The following EIF2AK2 variants were observed in gnomAD, a reference collection of about 807,000 sequenced individuals.
EIF2AK2 encodes interferon-induced, double-stranded RNA-activated protein kinase.
A neutral mutation model predicts 70.5 loss-of-function variants in EIF2AK2; 40 were observed. That is an observed-to-expected ratio of 0.57 (90% confidence interval 0.44 to 0.74). The LOEUF is 0.74. Among genes scored for constraint, EIF2AK2 ranks in the 30% least tolerant of loss-of-function variants. The probability of loss-of-function intolerance (pLI) is 0.00; values close to 1 mark genes in which losing one functional copy is unlikely to be tolerated. For missense variants in EIF2AK2, 555 were observed against 644.3 expected, an observed-to-expected ratio of 0.86 and a Z score of 1.50; for synonymous variants, 198 against 220.9, an observed-to-expected ratio of 0.90 and a Z score of 0.92.
chr2:37,147,306 CT>C (rs142368234), intron 3 of EIF2AK2, among the ~76,000 whole-genome samples: 8,183 of 149,318 alleles, frequency 0.055, 341 homozygotes, highest in African/African-American at 0.12. Flanking sequence ...TATCTTTTTT[CT>C]TTTTTTTTTA....
At chr2:37,134,530 G>A (rs1044420379) in intron 10 of EIF2AK2, among the ~76,000 whole-genome samples, 1 of 152,110 alleles carries the variant, frequency 6.6e-6, no homozygotes, top group Non-Finnish European at 1.5e-5. Flanking sequence ...AATTTGTGCT[G>A]CCCCTAGCGC....
At chr2:37,127,510 T>G (rs566471511) in intron 10 of EIF2AK2, among the ~76,000 whole-genome samples, 2 of 152,194 alleles carry the variant, frequency 1.3e-5, no homozygotes, top group Admixed American at 6.5e-5. Context: ...CCCTCCTCAT[T>G]GCACTCAAAG....
Position 37,107,352 on chromosome 2 carries a change from C to T in EIF2AK2, c.1577G>A (p.Arg526Gln). Residue 526 changes from arginine to glutamine, a missense_variant, in exon 17 of 17, where the codon CGA becomes CAA. By Grantham distance (43) the Arg-to-Gln change is conservative (BLOSUM62 1). This residue lies in a region of EIF2AK2 where 299 missense variants were observed against 375.4 expected (regional missense o/e 0.80). Transcript: ENST00000233057. ...CCTTAGTATTTCAGATGTGTTAGGT[C>T]GATCCTCAGGTTTCTTTGAGAGTAA... ...QKLLSKKPED[R>Q]PNTSEILRTL... 7 of 1,613,842 alleles carry T rather than the reference C, an allele frequency of 4.3e-6. No homozygotes were observed. The highest frequency in any genetic ancestry group is 2.2e-5 in the East Asian group (1 of 44,842).
At chr2:37,124,826 C>G (rs1339682113) in intron 11 of EIF2AK2, among the ~76,000 whole-genome samples, 1 of 151,488 alleles carries the variant, frequency 6.6e-6, no homozygotes, top group Admixed American at 6.6e-5. Flanking sequence ...CTACTGGGCT[C>G]AAATGGTCCT....
intron 5 of EIF2AK2, among the ~76,000 whole-genome samples, chr2:37,140,135 G>C (rs1675278080): frequency 6.6e-6 from 1 of 152,070 alleles, no homozygotes; most frequent in Admixed American, 6.6e-5. Flanking sequence ...AAATGGGAAG[G>C]AAAAAGCCAG....
At position 37,109,305 on chromosome 2, in the gene EIF2AK2, C is replaced by T. The variant is rs370235809; in HGVS notation, c.1378-10G>A. ...AGTCTTGCGAAGAAATCTAAAGAGA[C>T]CAAAATAGATTTACCTTTGTTATGC... On this transcript the variant is annotated splice_polypyrimidine_tract_variant and intron_variant, in intron 14 of 16. Transcript: ENST00000233057. 9.7e-5 allele frequency: 156 copies of T among 1,608,612 alleles called. No individual in the cohort carries two copies. Among genetic ancestry groups the T allele is most frequent in the Non-Finnish European group, 1.3e-4 (151 of 1,176,222 alleles).
In EIF2AK2 at chr2:37,120,006, CT is replaced by C; in HGVS notation, c.1200del (p.Val402TrpfsTer9). The C allele has an allele frequency of 2.0e-6, 3 of 1,533,104 alleles. No individual in the cohort carries two copies. Among genetic ancestry groups the C allele is most frequent in the Non-Finnish European group, 2.6e-6 (3 of 1,135,788 alleles). 95.0% of individuals were successfully genotyped at this position (1,533,104 alleles called of 1,614,324 possible). A position where few individuals can be genotyped will look rare whatever the true frequency, so the allele number is the denominator to read the frequency against. The stretch of plus-strand genomic sequence containing the variant: ...TTTTTTGAATGTATATAATCCACCC[CT>C]TTTGTTATTTGTTCAAAGAGTTCCA... ...LALELFEQITKGVDYIHSKKL... is the reference protein window; with the variant it reads ...LALELFEQITXGVDYIHSKKL... On this transcript the variant is annotated frameshift_variant, in exon 13 of 17. Coordinates refer to ENST00000233057, the MANE Select transcript of EIF2AK2 (RefSeq NM_001135651.3). LOFTEE classifies it high-confidence loss of function.
intron 10 of EIF2AK2, among the ~76,000 whole-genome samples, chr2:37,135,262 A>C (rs1284217485): frequency 6.6e-6 from 1 of 152,224 alleles, no homozygotes; most frequent in African/African-American, 2.4e-5. Flanking sequence ...GTATCAAAAC[A>C]ACCAACTAGA....
intron 10 of EIF2AK2, among the ~76,000 whole-genome samples, chr2:37,127,727 A>G (rs1471069787): frequency 1.4e-5 from 2 of 141,256 alleles, no homozygotes; most frequent in Non-Finnish European, 3.0e-5. Flanking sequence ...CTCTGACCAT[A>G]GTTTGTTCCT....
rs1376784221 is a variant in EIF2AK2, at chr2:37,107,493, T to G, written c.1514A>C (p.Asp505Ala). 6.2e-7 allele frequency: 1 copy of G among 1,612,720 alleles called. No individual in the cohort carries two copies. The highest frequency in any genetic ancestry group is 8.5e-7 in the Non-Finnish European group (1 of 1,179,760). The change falls in exon 16 of 17, where the codon GAT (aspartate) becomes GCT (alanine). Residue 505 changes from aspartate (D) to alanine (A), a missense_variant. This residue lies in a region of EIF2AK2 where 299 missense variants were observed against 375.4 expected (regional missense o/e 0.80). Coordinates refer to ENST00000233057, the MANE Select transcript of EIF2AK2 (RefSeq NM_001135651.3). ...GCTTACTTCTTTTTTATCAAATATA[T>G]CTGAGATGATGCCATCCCGTAGGTC... ...FTDLRDGIIS[D>A]IFDKKEKTLL... is the part of the protein sequence containing the mutation.
chr2:37,121,880 T>C (rs1158881054), intron 12 of EIF2AK2, among the ~76,000 whole-genome samples: 3 of 152,160 alleles, frequency 2.0e-5, no homozygotes, highest in Non-Finnish European at 1.5e-5. Context: ...AGGATTTTAG[T>C]GAGAGGACTG....
chr2:37,131,778 ACCC>A (rs1158766577), intron 10 of EIF2AK2, among the ~76,000 whole-genome samples: 1 of 152,150 alleles, frequency 6.6e-6, no homozygotes, highest in Non-Finnish European at 1.5e-5. Flanking sequence ...TTGTGATGAT[ACCC>A]ACTGTCTTCC....
At chr2:37,147,852 AT>A (rs1322883070) in intron 2 of EIF2AK2, 30 bp from the exon 3 acceptor site, 1 of 1,440,252 alleles carries the variant, frequency 6.9e-7, no homozygotes, top group Non-Finnish European at 9.7e-7. Flanking sequence ...TGAATGAGTG[AT>A]GCTCACAGAA....
At chr2:37,117,667 A>G (rs1674393102) in intron 13 of EIF2AK2, among the ~76,000 whole-genome samples, 2 of 152,252 alleles carry the variant, frequency 1.3e-5, no homozygotes, top group African/African-American at 4.8e-5. Flanking sequence ...AACAGGACTG[A>G]TGCTCAGGCT....
chr2:37,112,056 A>G (rs1046528323), intron 14 of EIF2AK2, among the ~76,000 whole-genome samples: 1 of 150,960 alleles, frequency 6.6e-6, no homozygotes, highest in Non-Finnish European at 1.5e-5. Flanking sequence ...CTCCACCCTC[A>G]TTGCCTTGAG....
chr2:37,108,277 T>TAC (rs1674030761), intron 15 of EIF2AK2, among the ~76,000 whole-genome samples: 1 of 152,084 alleles, frequency 6.6e-6, no homozygotes, highest in Non-Finnish European at 1.5e-5. Flanking sequence ...CACCAACCAC[T>TAC]ACTTCCTTGT....
intron 11 of EIF2AK2, among the ~76,000 whole-genome samples, chr2:37,125,437 C>T (rs762784450): frequency 5.3e-5 from 8 of 152,244 alleles, no homozygotes; most frequent in East Asian, 3.8e-4. Flanking sequence ...ATGGTAGTGA[C>T]GTTCTGGAAC....
chr2:37,151,481 T>G (rs1048153344), intron 1 of EIF2AK2, among the ~76,000 whole-genome samples: 2 of 152,206 alleles, frequency 1.3e-5, no homozygotes, highest in Non-Finnish European at 2.9e-5. Flanking sequence ...ATGGAGAAAC[T>G]GGACCCCTCA....
chr2:37,156,644 C>T (rs972446391), intron 1 of EIF2AK2, among the ~76,000 whole-genome samples: 1 of 152,208 alleles, frequency 6.6e-6, no homozygotes, highest in South Asian at 2.1e-4. Context: ...AAATTCTTCA[C>T]GGGAAGGAAA....
Sources: allele counts gnomAD v4.1 joint callset (sites outside exome capture counted in the v4.1 genomes callset), GRCh38; gene constraint gnomAD v4.1.1; regional missense constraint gnomAD v4.1.1; transcripts MANE v1.5; gene names NCBI Gene and HGNC (gene_info 2026-07-23, HGNC 2026-07-21).